The following GLCCI1 variants were observed in gnomAD, a reference collection of about 807,000 sequenced individuals.
GLCCI1 encodes glucocorticoid-induced transcript 1 protein.
GLCCI1 carries 24 observed loss-of-function variants against 52.2 expected under a neutral mutation model. That is an observed-to-expected ratio of 0.46 (90% CI 0.33 to 0.65). The LOEUF is 0.65. GLCCI1 is among the 30% of genes least tolerant of loss of function. GLCCI1 has a pLI of 0.02. For synonymous variants in GLCCI1, 310 were observed against 276.5 expected (o/e 1.12, Z -1.20); for missense variants, 704 against 701.5 (o/e 1.00, Z -0.04).
intron 6 of GLCCI1, among the ~76,000 whole-genome samples, chr7:8,079,914 A>G (rs888900450): frequency 6.6e-6 from 1 of 151,576 alleles, no homozygotes; most frequent in Non-Finnish European, 1.5e-5. Context: ...GCTGATCTAA[A>G]GGAGATCTTA....
chr7:8,006,872 A>G (rs1340261520), intron 2 of GLCCI1, among the ~76,000 whole-genome samples: 2 of 152,198 alleles, frequency 1.3e-5, no homozygotes, highest in East Asian at 1.9e-4. Context: ...CTGGCTTTAC[A>G]CATACACTTG....
chr7:8,046,641 C>T (rs1301461872), intron 3 of GLCCI1, among the ~76,000 whole-genome samples: 1 of 152,134 alleles, frequency 6.6e-6, no homozygotes, highest in Non-Finnish European at 1.5e-5. Flanking sequence ...AACCCAGAAG[C>T]CCCTGTCTCG....
At chr7:8,030,312 G>T (rs1428574794) in intron 3 of GLCCI1, among the ~76,000 whole-genome samples, 2 of 152,098 alleles carry the variant, frequency 1.3e-5, no homozygotes, top group Non-Finnish European at 2.9e-5. Context: ...TCAATCCATG[G>T]TGCTGGGGAA....
intron 2 of GLCCI1, among the ~76,000 whole-genome samples, chr7:8,016,742 C>T (rs1477494790): frequency 6.6e-6 from 1 of 152,162 alleles, no homozygotes. Flanking sequence ...TTATATGAAA[C>T]AATCCATGTT....
chr7:8,084,732 A>T, intron 6 of GLCCI1, 165 bp from the exon 7 acceptor site: 1 of 594,834 alleles, frequency 1.7e-6, no homozygotes, highest in Non-Finnish European at 2.8e-6. Context: ...GTTTTTATTT[A>T]GAAGAAATGT....
intron 5 of GLCCI1, among the ~76,000 whole-genome samples, chr7:8,069,017 C>A (rs1432903571): frequency 1.2e-4 from 19 of 152,190 alleles, no homozygotes. Flanking sequence ...CTCACTATTG[C>A]AGCTGCGCTC....
intron 4 of GLCCI1, among the ~76,000 whole-genome samples, chr7:8,056,173 CCTGTAATCCCAGCTATTCGGAGA>C (rs1008618658): frequency 2.6e-5 from 4 of 151,858 alleles, no homozygotes; most frequent in African/African-American, 9.7e-5. Context: ...GTGGTGGGTT[CCTGTAATCCCAGCTATTCGGAGA>C]CTGAGGCAGG....
chr7:8,050,894 C>A (rs752480130), intron 3 of GLCCI1, among the ~76,000 whole-genome samples: 2 of 152,262 alleles, frequency 1.3e-5, no homozygotes, highest in Non-Finnish European at 2.9e-5. Flanking sequence ...TAGTACCTAT[C>A]TCATGTGCTT....
intron 1 of GLCCI1, among the ~76,000 whole-genome samples, chr7:7,991,322 G>T (rs1267106803): frequency 2.0e-5 from 3 of 151,932 alleles, no homozygotes; most frequent in African/African-American, 7.2e-5. Context: ...TCATGAGAAG[G>T]GCTATTCACT....
In GLCCI1 at chr7:8,046,803, C is replaced by T. The variant is rs533036051; in HGVS notation, c.697-8630C>T. Reference sequence around the variant, plus strand: ...GGCTGTGACATGGGCCATGGTCACTCATATTTGGCTCAGAATAAATACCTT... The same window carrying T: ...GGCTGTGACATGGGCCATGGTCACTTATATTTGGCTCAGAATAAATACCTT... On this transcript the variant is annotated intron_variant, in intron 3 of 7. Transcript: ENST00000223145. Among the ~76,000 whole-genome samples, 8 of 152,300 alleles carry T rather than the reference C, an allele frequency of 5.3e-5. No homozygotes were observed. In the South Asian group the frequency reaches 1.7e-3, roughly 32 times the overall value.
chr7:7,969,854 G>C lies in GLCCI1; in HGVS notation c.457+47G>C, dbSNP rs527406638. The C allele has an allele frequency of 7.7e-4, 1,041 of 1,344,184 alleles. 21 individuals carry two copies. The South Asian group carries it at 0.014, about 18-fold the overall frequency. The allele number at this position is 1,344,184 out of a possible 1,614,324, so 83.3% of individuals were successfully genotyped here. On this transcript the variant is annotated intron_variant, in intron 1 of 7. Transcript: ENST00000223145. This position sits in a 1 kb window ranked among gnomAD's most constrained non-coding sequence, Gnocchi z 4.9. The stretch of plus-strand genomic sequence containing the variant: ...TCCTCCCGGGCTGCGTCTCCCCGAC[G>C]GTGCCCTCCGTGGAAACTTCAGCCT...
chr7:8,085,716 CTTT>C (rs1454929844), intron 7 of GLCCI1, among the ~76,000 whole-genome samples: 1 of 115,480 alleles, frequency 8.7e-6, no homozygotes, highest in African/African-American at 3.8e-5. Flanking sequence ...AATTGACTGG[CTTT>C]TTGAGAGACC....
At chr7:8,037,994 G>A (rs1440424091) in intron 3 of GLCCI1, among the ~76,000 whole-genome samples, 10 of 152,138 alleles carry the variant, frequency 6.6e-5, no homozygotes, top group Non-Finnish European at 1.3e-4. Flanking sequence ...AAGACAGAAA[G>A]TCAGCAAAGA....
intron 3 of GLCCI1, among the ~76,000 whole-genome samples, chr7:8,052,127 C>A (rs911196145): frequency 2.6e-5 from 4 of 151,750 alleles, no homozygotes; most frequent in African/African-American, 9.7e-5. Context: ...TTTTAAAGGG[C>A]AGTGTCTTTC....
chr7:7,971,000 T>C (rs1334433625), intron 1 of GLCCI1, among the ~76,000 whole-genome samples: 1 of 152,170 alleles, frequency 6.6e-6, no homozygotes, highest in Non-Finnish European at 1.5e-5. Flanking sequence ...GTCTGCATTA[T>C]GATACATTGC....
At chr7:8,081,557 A>AT (rs1782993670) in intron 6 of GLCCI1, among the ~76,000 whole-genome samples, 1 of 152,198 alleles carries the variant, frequency 6.6e-6, no homozygotes, top group South Asian at 2.1e-4. Context: ...CAAATGTATA[A>AT]TTTTTTATAC....
chr7:8,003,126 C>G (rs912367900), intron 1 of GLCCI1, among the ~76,000 whole-genome samples: 7 of 152,050 alleles, frequency 4.6e-5, no homozygotes, highest in Admixed American at 2.0e-4. Context: ...CCTATTTAGT[C>G]TGTAGGGTTT....
chr7:8,007,943 T>C (rs1049360074), intron 2 of GLCCI1, among the ~76,000 whole-genome samples: 2 of 152,172 alleles, frequency 1.3e-5, no homozygotes, highest in East Asian at 3.8e-4. Flanking sequence ...ATAATGAAAA[T>C]GTTAATTAAA....
chr7:8,028,367 G>A (rs1387813229), intron 3 of GLCCI1, among the ~76,000 whole-genome samples: 1 of 152,140 alleles, frequency 6.6e-6, no homozygotes, highest in Non-Finnish European at 1.5e-5. Flanking sequence ...TGACCAATGA[G>A]TCAATGAAGA....
Sources: gnomAD v4.1 joint callset for allele counts (sites outside exome capture counted in the v4.1 genomes callset) on GRCh38, gnomAD v4.1.1 for gene constraint, Gnocchi (gnomAD v3.1) non-coding constraint, MANE v1.5 for transcripts, NCBI Gene and HGNC (gene_info 2026-07-23, HGNC 2026-07-21) for gene names.